The following SNRNP35 variants were observed in gnomAD, a reference collection of about 807,000 sequenced individuals.
The protein encoded by SNRNP35 is small nuclear ribonucleoprotein U11/U12 subunit 35.
A neutral mutation model predicts 24.3 loss-of-function variants in SNRNP35; 16 were observed. That is an observed-to-expected ratio of 0.66 (90% confidence interval 0.45 to 1.00). SNRNP35 has a LOEUF of 1.00. Ranked by LOEUF, SNRNP35 falls within the 50% of genes least tolerant of loss-of-function variation. The probability of loss-of-function intolerance (pLI) is 0.00; values close to 1 mark genes in which losing one functional copy is unlikely to be tolerated. For synonymous variants in SNRNP35, 106 were observed against 124.8 expected (o/e 0.85, Z 1.00); for missense variants, 292 against 327.2 (o/e 0.89, Z 0.83).
At chr12:123,468,395 A>G (rs929721055), downstream of SNRNP35, among the ~76,000 whole-genome samples, 1 of 149,786 alleles carries the variant, frequency 6.7e-6, no homozygotes, top group Non-Finnish European at 1.5e-5. Flanking sequence ...AAAAGAAAAC[A>G]TGCACACTGA....
At chr12:123,471,133 C>T (rs1330612275), downstream of SNRNP35, 3 of 150,568 alleles carry the variant, frequency 2.0e-5, no homozygotes, top group East Asian at 2.0e-4. Flanking sequence ...TGCAATGGCA[C>T]GATCTAGGCT....
downstream of SNRNP35, among the ~76,000 whole-genome samples, chr12:123,468,413 C>T (rs578059830): frequency 7.6e-5 from 11 of 145,422 alleles, no homozygotes; most frequent in South Asian, 2.2e-3. Flanking sequence ...TGAGGCTGGG[C>T]GTGATGGCTC....
chr12:123,461,547 T>G (rs1880633389), intron 1 of SNRNP35, among the ~76,000 whole-genome samples: 1 of 151,990 alleles, frequency 6.6e-6, no homozygotes, highest in African/African-American at 2.4e-5. Flanking sequence ...CTTCTGTCAC[T>G]CCATCTGTTT....
Position 123,458,183 on chromosome 12 carries a change from G to A in SNRNP35, c.-37G>A. The A allele has an allele frequency of 1.0e-6, 1 of 985,456 alleles. No homozygotes were observed. Among genetic ancestry groups the A allele is most frequent in the Non-Finnish European group, 1.2e-6 (1 of 829,970 alleles). The allele number at this position is 985,456 out of a possible 1,614,324, so 61.0% of individuals were successfully genotyped here. On this transcript the variant is annotated 5_prime_UTR_variant, in exon 1 of 2. Coordinates refer to ENST00000526639, the MANE Select transcript of SNRNP35 (RefSeq NM_022717.4). ...TGCTGTCGCCTGCAGCTGCTCGCCT[G>A]TCTCCGTCGGAAGGGAGCCCAAGCT...
At position 123,463,565 on chromosome 12, in the gene SNRNP35, A is replaced by G. The variant is rs140781904; in HGVS notation, c.-3-1973A>G. On this transcript the variant is annotated intron_variant, in intron 1 of 1. Coordinates refer to ENST00000526639, the MANE Select transcript of SNRNP35 (RefSeq NM_022717.4). Reference sequence around the variant, plus strand: ...GCTGATTTTTGTATTTTTAGTAGAGACGGGGTTTCACCATATTGGCCAGAC... The same window carrying G: ...GCTGATTTTTGTATTTTTAGTAGAGGCGGGGTTTCACCATATTGGCCAGAC... Among the ~76,000 whole-genome samples the G allele has an allele frequency of 1.1e-3, 167 of 151,132 alleles. 4 individuals are homozygous for G. In the East Asian group the frequency reaches 0.033, roughly 29 times the overall value.
chr12:123,460,824 A>G (rs2139281042), intron 1 of SNRNP35, among the ~76,000 whole-genome samples: 1 of 151,442 alleles, frequency 6.6e-6, no homozygotes, highest in South Asian at 2.1e-4. Flanking sequence ...ATGCCTGGGT[A>G]ATTTTGTATT....
In SNRNP35 at chr12:123,463,503, G is replaced by A. The variant is rs144015161; in HGVS notation, c.-3-2035G>A. Among the ~76,000 whole-genome samples the A allele has an allele frequency of 8.5e-3, 1,287 of 150,804 alleles. 13 individuals carry two copies. The highest frequency in any genetic ancestry group is 0.028 in the African/African-American group (1,155 of 41,070). ...AGCAATTCTCCTGCCTCAACCTCCC[G>A]AGTAGCTGCGACTACAGGCGTGTGC... On this transcript the variant is annotated intron_variant, in intron 1 of 1. Transcript: ENST00000526639.
At chr12:123,461,499 G>A (rs1880631638) in intron 1 of SNRNP35, among the ~76,000 whole-genome samples, 1 of 151,912 alleles carries the variant, frequency 6.6e-6, no homozygotes, top group Non-Finnish European at 1.5e-5. Context: ...CCAGAGCCCA[G>A]ACCAGGACTG....
downstream of SNRNP35, among the ~76,000 whole-genome samples, chr12:123,468,371 AAAAAG>A (rs1566106586): frequency 1.4e-5 from 2 of 147,604 alleles, no homozygotes; most frequent in Non-Finnish European, 3.0e-5. Flanking sequence ...AAAAAAAAAA[AAAAAG>A]AAAAGAAAAA....
At chr12:123,472,761 A>G in exon 2 of SNRNP35, 10 of 1,467,628 alleles carry the variant, frequency 6.8e-6, no homozygotes, top group East Asian at 4.9e-5. Flanking sequence ...TGCCGGAGAC[A>G]TATAGCAGCA....
chr12:123,471,739 G>GTATA (rs1881201075), downstream of SNRNP35: 2 of 152,448 alleles, frequency 1.3e-5, no homozygotes, highest in Non-Finnish European at 2.9e-5. Context: ...TTCTTTGCAG[G>GTATA]GGACTAAGTA....
chr12:123,461,401 C>T (rs1330871173), intron 1 of SNRNP35, among the ~76,000 whole-genome samples: 2 of 151,368 alleles, frequency 1.3e-5, no homozygotes, highest in Non-Finnish European at 2.9e-5. Flanking sequence ...GCTGGGATTA[C>T]AGGCATGAGC....
intron 1 of SNRNP35, chr12:123,459,853 G>T (rs1212895913): frequency 6.3e-7 from 1 of 1,593,578 alleles, no homozygotes; most frequent in South Asian, 1.1e-5. Context: ...AATGCTGCCG[G>T]GGAGGAAGTG....
exon 2 of SNRNP35, chr12:123,472,352 C>A: frequency 1.7e-6 from 1 of 594,514 alleles, no homozygotes; most frequent in South Asian, 2.3e-5. Context: ...TATAAATAAA[C>A]ATTTCTTTAG....
chr12:123,470,402 G>T (rs1881131153), downstream of SNRNP35: 1 of 149,944 alleles, frequency 6.7e-6, no homozygotes, highest in African/African-American at 2.5e-5. Flanking sequence ...GAGCCCAGGG[G>T]TTCATAGCTG....
chr12:123,468,375 A>AAT (rs71088914), downstream of SNRNP35, among the ~76,000 whole-genome samples: 1 of 144,318 alleles, frequency 6.9e-6, no homozygotes, highest in Non-Finnish European at 1.5e-5. Flanking sequence ...AAAAAAAAAA[A>AAT]GAAAAGAAAA....
rs1880875238 is a variant in SNRNP35 at position 123,465,178 on chromosome 12, GA to G, written c.-3-357del. ...TTCCTATGATCATTTTAAAGGTTCT[GA>G]AAGAGAAGTCTGGTTTTGATCCACG... is the stretch of plus-strand genomic sequence containing the variant. On this transcript the variant is annotated intron_variant, in intron 1 of 1. Coordinates refer to ENST00000526639, the MANE Select transcript of SNRNP35 (RefSeq NM_022717.4). The surrounding 1 kb of genome is among the most constrained non-coding windows in gnomAD (Gnocchi z 4.2). Among the ~76,000 whole-genome samples, 1 of 152,180 alleles carries G rather than the reference GA, an allele frequency of 6.6e-6. No homozygotes were observed. Among genetic ancestry groups the G allele is most frequent in the East Asian group, 1.9e-4 (1 of 5,204 alleles).
At chr12:123,460,956 CTTTTTTT>C (rs35246652) in intron 1 of SNRNP35, among the ~76,000 whole-genome samples, 4 of 122,772 alleles carry the variant, frequency 3.3e-5, no homozygotes, top group Middle Eastern at 4.2e-3. Flanking sequence ...TGCGCCTGGC[CTTTTTTT>C]TTTTTTTTTT....
downstream of SNRNP35, among the ~76,000 whole-genome samples, chr12:123,468,447 G>A (rs915311891): frequency 1.3e-5 from 2 of 152,078 alleles, no homozygotes; most frequent in Admixed American, 1.3e-4. Context: ...CAGCACTTTG[G>A]GAGGCCATGA....
Sources: gnomAD v4.1 joint callset for allele counts (sites outside exome capture counted in the v4.1 genomes callset) on GRCh38, gnomAD v4.1.1 for gene constraint, Gnocchi (gnomAD v3.1) non-coding constraint, MANE v1.5 for transcripts, NCBI Gene and HGNC (gene_info 2026-07-23, HGNC 2026-07-21) for gene names.